Variants in CHST3 observed in about 807,000 individuals in gnomAD.
CHST3 encodes carbohydrate sulfotransferase 3, also known as C6ST-1.
CHST3 carries 20 observed loss-of-function variants against 35.4 expected under a neutral mutation model. That is an observed-to-expected ratio of 0.57 (90% confidence interval 0.40 to 0.82). The LOEUF (loss-of-function observed/expected upper bound fraction) is 0.82. CHST3 is among the 40% of genes least tolerant of loss of function. The probability of loss-of-function intolerance (pLI) is 0.00; values close to 1 mark genes in which losing one functional copy is unlikely to be tolerated. For synonymous variants in CHST3, 334 were observed against 295.9 expected (o/e 1.13, Z -1.32); for missense variants, 693 against 670.1 (o/e 1.03, Z -0.38).
chr10:72,000,358 G>T (rs1024839049), intron 1 of CHST3, among the ~76,000 whole-genome samples: 1 of 152,182 alleles, frequency 6.6e-6, no homozygotes, highest in African/African-American at 2.4e-5. Flanking sequence ...CAACGTTCTG[G>T]GGGATGAGAG....
chr10:71,992,341 C>T (rs1564528431), intron 1 of CHST3, among the ~76,000 whole-genome samples: 1 of 152,110 alleles, frequency 6.6e-6, no homozygotes, highest in Admixed American at 6.5e-5. Flanking sequence ...CCACACCCAG[C>T]CTATGTTTTT....
chr10:71,973,828 C>T (rs532067003), intron 1 of CHST3, among the ~76,000 whole-genome samples: 14 of 152,118 alleles, frequency 9.2e-5, no homozygotes, highest in African/African-American at 1.4e-4. Flanking sequence ...GGCAAAGGCA[C>T]GAGGATGGGA....
chr10:71,997,212 C>T (rs1839949952), intron 1 of CHST3, among the ~76,000 whole-genome samples: 2 of 152,138 alleles, frequency 1.3e-5, no homozygotes, highest in African/African-American at 2.4e-5. Context: ...ATCAACCCCC[C>T]GGCCCTTCAT....
chr10:71,990,371 T>C (rs934649282), intron 1 of CHST3, among the ~76,000 whole-genome samples: 5 of 149,990 alleles, frequency 3.3e-5, no homozygotes, highest in Non-Finnish European at 6.0e-5. Flanking sequence ...TAATTTTTCT[T>C]TTTTTTTTTG....
At chr10:71,992,282 A>G (rs1269546523) in intron 1 of CHST3, among the ~76,000 whole-genome samples, 2 of 151,922 alleles carry the variant, frequency 1.3e-5, no homozygotes, top group African/African-American at 2.4e-5. Flanking sequence ...CACCTTGGCA[A>G]TGCCCCGACC....
chr10:71,970,473 T>C (rs1297499202), intron 1 of CHST3, among the ~76,000 whole-genome samples: 1 of 152,158 alleles, frequency 6.6e-6, no homozygotes, highest in Non-Finnish European at 1.5e-5. Context: ...TTGGCCTCTG[T>C]GGTTACACCT....
intron 1 of CHST3, among the ~76,000 whole-genome samples, chr10:71,965,331 G>A (rs2131733075): frequency 6.6e-6 from 1 of 152,346 alleles, no homozygotes; most frequent in East Asian, 1.9e-4. Context: ...GAGCCGGCGT[G>A]CCAGGGTCTG....
chr10:71,999,260 G>A (rs1442195881), intron 1 of CHST3, among the ~76,000 whole-genome samples: 1 of 152,228 alleles, frequency 6.6e-6, no homozygotes, highest in Non-Finnish European at 1.5e-5. Flanking sequence ...CAGTGGCCTG[G>A]GGGCTCCCCT....
chr10:71,991,400 T>C (rs976064973), intron 1 of CHST3, among the ~76,000 whole-genome samples: 4 of 152,204 alleles, frequency 2.6e-5, no homozygotes, highest in Non-Finnish European at 5.9e-5. Flanking sequence ...CCCTCCGCCT[T>C]TTTCTGCTGA....
chr10:72,006,471 A>C (rs1840039581), intron 2 of CHST3, among the ~76,000 whole-genome samples: 1 of 152,166 alleles, frequency 6.6e-6, no homozygotes, highest in Admixed American at 6.5e-5. Context: ...GAGCCCATGG[A>C]AAGGCAAGGT....
intron 1 of CHST3, among the ~76,000 whole-genome samples, chr10:71,996,387 C>CTG (rs1491360370): frequency 2.2e-5 from 2 of 90,754 alleles, no homozygotes; most frequent in Non-Finnish European, 4.3e-5. Flanking sequence ...TGTGCCAAGA[C>CTG]TCTCTCTCTT....
intron 1 of CHST3, among the ~76,000 whole-genome samples, chr10:71,994,949 C>A (rs763687015): frequency 6.6e-6 from 1 of 152,196 alleles, no homozygotes; most frequent in Non-Finnish European, 1.5e-5. Context: ...TTGTCTCTCT[C>A]AGCTTTCCTA....
chr10:71,999,448 C>T (rs913943530), intron 1 of CHST3, among the ~76,000 whole-genome samples: 2 of 152,250 alleles, frequency 1.3e-5, no homozygotes, highest in African/African-American at 4.8e-5. Context: ...CTTGCCCTCC[C>T]TTGGCTCCTC....
chr10:72,009,341 C>G lies in CHST3; in HGVS notation c.*870C>G, dbSNP rs974769911. ...CCGGGTTTGGACTGAACAGTGGATT[C>G]AGAACTGCAGCGTTCAAAGCCCCTG... On this transcript the variant is annotated 3_prime_UTR_variant, in exon 3 of 3. Coordinates refer to ENST00000373115, the MANE Select transcript of CHST3 (RefSeq NM_004273.5). 2.0e-5 allele frequency: 3 copies of G among 152,216 alleles called. No homozygotes were observed. Among genetic ancestry groups the G allele is most frequent in the Admixed American group, 6.5e-5 (1 of 15,280 alleles). 9.4% of individuals were successfully genotyped at this position (152,216 alleles called of 1,614,324 possible).
chr10:72,007,208 A>T lies in CHST3; in HGVS notation c.177A>T (p.Leu59=). ...AGCTGAAGCAGATTCCCCAAGCTCT[A>T]GCAGATGCCAACAGCACCGACCCAG... is the stretch of plus-strand genomic sequence containing the variant. ...SDKLKQIPQA[L]ADANSTDPAL... is the part of the protein sequence containing the mutation. The change falls in exon 3 of 3, where the codon CTA becomes CTT. Residue 59 remains leucine (L), a synonymous_variant. Transcript: ENST00000373115. 1 of 1,614,198 alleles carries T rather than the reference A, an allele frequency of 6.2e-7. No individual in the cohort carries two copies. The highest frequency in any genetic ancestry group is 1.1e-5 in the South Asian group (1 of 91,090).
chr10:71,993,025 T>A (rs1839912222), intron 1 of CHST3, among the ~76,000 whole-genome samples: 2 of 152,250 alleles, frequency 1.3e-5, no homozygotes, highest in South Asian at 4.1e-4. Context: ...TCAGGACGGC[T>A]TTGAATGTGG....
chr10:71,994,462 T>G (rs1395649037), intron 1 of CHST3, among the ~76,000 whole-genome samples: 1 of 152,164 alleles, frequency 6.6e-6, no homozygotes, highest in African/African-American at 2.4e-5. Flanking sequence ...GTGTCAACAG[T>G]GGGCTTAAAA....
rs1840031865 is a variant in CHST3 at position 72,005,756 on chromosome 10, G to A, written c.-87G>A. On this transcript the variant is annotated 5_prime_UTR_variant, in exon 2 of 3. It removes the in-frame stop codon of an upstream open reading frame in the 5' UTR. Coordinates refer to ENST00000373115, the MANE Select transcript of CHST3 (RefSeq NM_004273.5). The stretch of plus-strand genomic sequence containing the variant: ...CGCAGGACAAGGGTGTCCCCCACCT[G>A]AAGACGGCAAGCTGGGTCCTGAGTG... 1 of 1,573,456 alleles carries A rather than the reference G, an allele frequency of 6.4e-7. No individual in the cohort carries two copies.
In CHST3 at chr10:72,009,488, T is replaced by A. The variant is rs2131778634; in HGVS notation, c.*1017T>A. The A allele has an allele frequency of 6.6e-6, 1 of 152,286 alleles. No individual in the cohort carries two copies. The highest frequency in any genetic ancestry group is 2.1e-4 in the South Asian group (1 of 4,816). 9.4% of individuals were successfully genotyped at this position (152,286 alleles called of 1,614,324 possible). ...CTAGCTTGGCTGGCTCCCGAACATGTCCATATTTGAAGGCTGCCTCAGGCC... is the reference window on the plus strand; with the variant it reads ...CTAGCTTGGCTGGCTCCCGAACATGACCATATTTGAAGGCTGCCTCAGGCC... On this transcript the variant is annotated 3_prime_UTR_variant, in exon 3 of 3. Transcript: ENST00000373115.
Sources: gnomAD v4.1 joint callset for allele counts (sites outside exome capture counted in the v4.1 genomes callset) on GRCh38, gnomAD v4.1.1 for gene constraint, MANE v1.5 for transcripts, NCBI Gene and HGNC (gene_info 2026-07-23, HGNC 2026-07-21) for gene names.